Variants in SGCB observed in about 807,000 individuals in gnomAD.
SGCB encodes beta-sarcoglycan.
A neutral mutation model predicts 27.3 loss-of-function variants in SGCB; 25 were observed. That is an observed-to-expected ratio of 0.92 (90% CI 0.67 to 1.28). The LOEUF is 1.28. SGCB is among the 50% of genes most tolerant of loss of function. The pLI, the probability that SGCB is intolerant of heterozygous loss-of-function variation, is 0.00. For synonymous variants in SGCB, 147 were observed against 133.5 expected (o/e 1.10, Z -0.70); for missense variants, 436 against 402.1 (o/e 1.08, Z -0.72).
At chr4:52,034,598 T>C (rs1390322045) in intron 1 of SGCB, among the ~76,000 whole-genome samples, 2 of 151,978 alleles carry the variant, frequency 1.3e-5, no homozygotes, top group Non-Finnish European at 2.9e-5. Context: ...TGGCTATCCT[T>C]TGGGGGTCCT....
chr4:52,038,234 G>A lies in SGCB; in HGVS notation c.26C>T (p.Ala9Val). 3.1e-6 allele frequency: 4 copies of A among 1,286,920 alleles called. No homozygotes were observed. Among genetic ancestry groups the A allele is most frequent in the Non-Finnish European group, 3.0e-6 (3 of 1,013,252 alleles). The allele number at this position is 1,286,920 out of a possible 1,614,324, so 79.7% of individuals were successfully genotyped here. A position where few individuals can be genotyped will look rare whatever the true frequency, so the allele number is the denominator to read the frequency against. ...GCGGCGGTACTCACAGACCTGTTCT[G>A]CAGCCGCCGCCGCCGCTGCCGCCAT... The part of the protein sequence containing the change: MAAAAAAA[A>V]EQQSSNGPVK... The change falls in exon 1 of 6, where the codon GCA becomes GTA. Residue 9 changes from alanine (A) to valine (V), a missense_variant. Transcript: ENST00000381431.
intron 2 of SGCB, among the ~76,000 whole-genome samples, chr4:52,030,101 TTTC>T (rs1395167135): frequency 6.6e-6 from 1 of 152,116 alleles, no homozygotes; most frequent in Non-Finnish European, 1.5e-5. Context: ...AAATGAATAG[TTTC>T]TTATTTTTTC....
rs1219929645 is a variant in SGCB, at chr4:52,023,781, G to T, written c.*176C>A. 2 of 594,326 alleles carry T rather than the reference G, an allele frequency of 3.4e-6. No homozygotes were observed. Among genetic ancestry groups the T allele is most frequent in the Admixed American group, 5.8e-5 (2 of 34,406 alleles). The allele number at this position is 594,326 out of a possible 1,614,324, so 36.8% of individuals were successfully genotyped here. On this transcript the variant is annotated 3_prime_UTR_variant, in exon 6 of 6. Transcript: ENST00000381431. ...GAAGATTAGTATAAATTAATAAAATGTATTAGAATTTAGGCTCTCTGAGAA... is the reference window on the plus strand; with the variant it reads ...GAAGATTAGTATAAATTAATAAAATTTATTAGAATTTAGGCTCTCTGAGAA...
intron 1 of SGCB, among the ~76,000 whole-genome samples, chr4:52,034,515 T>A (rs983638466): frequency 6.6e-6 from 1 of 151,934 alleles, no homozygotes; most frequent in Non-Finnish European, 1.5e-5. Context: ...ATTTAAAGTA[T>A]ACAGGAGGAT....
rs559488116 is a variant in SGCB, at chr4:52,029,596, T to C, written c.429+82A>G. The C allele has an allele frequency of 1.5e-4, 123 of 844,944 alleles. 1 individual carries two copies. The Admixed American group carries it at 2.2e-3, about 15-fold the overall frequency. The allele number at this position is 844,944 out of a possible 1,614,324, so 52.3% of individuals were successfully genotyped here. A position where few individuals can be genotyped will look rare whatever the true frequency, so the allele number is the denominator to read the frequency against. On this transcript the variant is annotated intron_variant, in intron 3 of 5. Coordinates refer to ENST00000381431, the MANE Select transcript of SGCB (RefSeq NM_000232.5). ...TCTAAGGGAAAATATCTCTTTCCAA[T>C]AATCAACTAGGTTTTTGCAAAGTAT...
At chr4:52,029,897 C>T (rs369048972) in intron 2 of SGCB, 34 bp from the exon 3 acceptor site, 37 of 1,485,598 alleles carry the variant, frequency 2.5e-5, no homozygotes, top group Non-Finnish European at 3.3e-5. Context: ...GTTGGTAGGC[C>T]GCATACATTT....
At chr4:52,024,303 A>G (rs1356363528) in intron 5 of SGCB, 143 bp from the exon 6 acceptor site, 2 of 660,034 alleles carry the variant, frequency 3.0e-6, no homozygotes, top group South Asian at 1.8e-5. Flanking sequence ...CAACAGCAAC[A>G]ATAAAAAACA....
intron 2 of SGCB, chr4:52,032,073 T>G: frequency 2.4e-6 from 1 of 409,702 alleles, no homozygotes; most frequent in Admixed American, 2.9e-5. Flanking sequence ...CGCAGGCAGA[T>G]AGAATCCTCT....
chr4:52,024,088 G>A lies in SGCB; in HGVS notation c.826C>T (p.Gln276Ter). 1 of 1,613,952 alleles carries A rather than the reference G, an allele frequency of 6.2e-7. No individual in the cohort carries two copies. Among genetic ancestry groups the A allele is most frequent in the South Asian group, 1.1e-5 (1 of 91,072 alleles). The change falls in exon 6 of 6, where the codon CAG becomes TAG. Residue 276 changes from glutamine to a stop codon, truncating the protein, a stop_gained. Coordinates refer to ENST00000381431, the MANE Select transcript of SGCB (RefSeq NM_000232.5). LOFTEE classifies it high-confidence loss of function. ...TRLPSSSSGD[Q>*]LGSGDWVRYK... is the part of the protein sequence containing the mutation. ...CGTACCCAGTCACCACTACCCAACT[G>A]GTCTCCACTGGAGGAACTGGGTAGG...
At chr4:52,030,002 T>G (rs1404522430) in intron 2 of SGCB, 139 bp from the exon 3 acceptor site, 1 of 695,806 alleles carries the variant, frequency 1.4e-6, no homozygotes, top group African/African-American at 1.8e-5. Flanking sequence ...CAATTAATTT[T>G]CCACTTATAA....
rs1235156372 is a variant in SGCB at position 52,024,040 on chromosome 4, C to G, written c.874G>C (p.Asp292His). The change falls in exon 6 of 6, where the codon GAT (aspartate) becomes CAT (histidine). Residue 292 changes from aspartate to histidine, a missense_variant. Asp to His is a moderately conservative substitution (Grantham distance 81, BLOSUM62 -1). Coordinates refer to ENST00000381431, the MANE Select transcript of SGCB (RefSeq NM_000232.5). ...WVRYKLCMCA[D>H]GTLFKVQVTS... ...ACTTGCACCTTGAAGAGCGTCCCAT[C>G]AGCACACATGCAGAGCTTGTAGCGT... The G allele has an allele frequency of 1.2e-6, 2 of 1,614,092 alleles. No homozygotes were observed. Among genetic ancestry groups the G allele is most frequent in the Non-Finnish European group, 1.7e-6 (2 of 1,180,000 alleles).
At chr4:52,028,709 A>C (rs780944604) in intron 4 of SGCB, 21 bp downstream of exon 4, 14 of 1,555,348 alleles carry the variant, frequency 9.0e-6, no homozygotes, top group Admixed American at 3.3e-5. Flanking sequence ...CCATTAGTAA[A>C]ACAAAGCCAA....
At chr4:52,025,880 T>G (rs1021096562) in intron 5 of SGCB, among the ~76,000 whole-genome samples, 1 of 152,206 alleles carries the variant, frequency 6.6e-6, no homozygotes, top group African/African-American at 2.4e-5. Context: ...ATGGGTGTCA[T>G]TTAATGGTAC....
Position 52,029,846 on chromosome 4 carries a change from C to G in SGCB, c.261G>C (p.Trp87Cys). The G allele has an allele frequency of 6.2e-7, 1 of 1,613,506 alleles. No individual in the cohort carries two copies. Among genetic ancestry groups the G allele is most frequent in the Non-Finnish European group, 8.5e-7 (1 of 1,179,614 alleles). The part of the protein sequence containing the change: ...VINLIITLVI[W>C]AVIRIGPNGC... ...CATTTGGTCCAATGCGAATCACGGC[C>G]CAAATAACAAGTGTTATCTGAAAAA... is the stretch of plus-strand genomic sequence containing the variant. Residue 87 changes from tryptophan to cysteine, a missense_variant, in exon 3 of 6, where the codon TGG (tryptophan) becomes TGC (cysteine). Physicochemically the swap from Trp to Cys is radical, Grantham distance 215. Transcript: ENST00000381431.
In SGCB at chr4:52,028,217, A is replaced by G. The variant is rs114495805; in HGVS notation, c.622-118T>C. 1.6e-3 allele frequency: 1,266 copies of G among 784,806 alleles called. 5 individuals carry two copies. The African/African-American group carries it at 0.02, about 13-fold the overall frequency. The allele number at this position is 784,806 out of a possible 1,614,324, so 48.6% of individuals were successfully genotyped here. On this transcript the variant is annotated intron_variant, in intron 4 of 5. Coordinates refer to ENST00000381431, the MANE Select transcript of SGCB (RefSeq NM_000232.5). ...AGATGAAAGTCAAATGTTTCTATTA[A>G]TGTTTTAGAGATGTGGAAATTGAGA...
Position 52,028,033 on chromosome 4 carries a change from C to CA in SGCB, c.687dup (p.Glu230Ter). ...GTTTTGCCCATAATGAATACACCTT[C>CA]ATTTCCACGCACAATAGCACGCCCA... On this transcript the variant is annotated frameshift_variant, in exon 5 of 6. Transcript: ENST00000381431. LOFTEE classifies it high-confidence loss of function. 6.2e-7 allele frequency: 1 copy of CA among 1,613,290 alleles called. No individual in the cohort carries two copies. Among genetic ancestry groups the CA allele is most frequent in the Non-Finnish European group, 8.5e-7 (1 of 1,179,300 alleles).
At chr4:52,035,399 G>C (rs1291363914) in intron 1 of SGCB, among the ~76,000 whole-genome samples, 1 of 152,228 alleles carries the variant, frequency 6.6e-6, no homozygotes, top group African/African-American at 2.4e-5. Flanking sequence ...GAGTTCAAAG[G>C]GAGGAGAGAC....
chr4:52,028,658 A>G, intron 4 of SGCB, 72 bp downstream of exon 4: 2 of 1,204,030 alleles, frequency 1.7e-6, no homozygotes, highest in South Asian at 1.2e-5. Flanking sequence ...ACAACAGTAT[A>G]ACTCTCTTCC....
chr4:52,037,840 G>T (rs1483997262), intron 1 of SGCB, among the ~76,000 whole-genome samples: 1 of 152,220 alleles, frequency 6.6e-6, no homozygotes, highest in Admixed American at 6.5e-5. Flanking sequence ...TGTAAGAGGA[G>T]CCTTCTCGCT....
Sources: allele counts gnomAD v4.1 joint callset (sites outside exome capture counted in the v4.1 genomes callset), GRCh38; gene constraint gnomAD v4.1.1; transcripts MANE v1.5; gene names NCBI Gene and HGNC (gene_info 2026-07-23, HGNC 2026-07-21).